MOB3B: variants seen among roughly 807,000 people sequenced by gnomAD.
The protein encoded by MOB3B is MOB kinase activator 3B, also known as MOB kinase activator-like 2B.
MOB3B carries 7 observed loss-of-function variants against 18.7 expected under a neutral mutation model. The ratio of observed to expected loss-of-function variants is 0.37; its 90% CI spans 0.21 to 0.70. The LOEUF (loss-of-function observed/expected upper bound fraction) is 0.70. Ranked by LOEUF, MOB3B falls within the 30% of genes least tolerant of loss-of-function variation. The pLI is 0.52. For missense variants in MOB3B, 253 were observed against 281.3 expected, an observed-to-expected ratio of 0.90 and a Z score of 0.72; for synonymous variants, 111 against 99.9, an observed-to-expected ratio of 1.11 and a Z score of -0.66.
In MOB3B at chr9:27,398,795, G is replaced by A. The variant is rs547566530; in HGVS notation, c.419-39559C>T. On this transcript the variant is annotated intron_variant, in intron 2 of 3. Transcript: ENST00000262244. ...TACTGTGATACCTTTTAAAAGTCACGTATAATCTGAATTTACTAAGAGAGA... is the reference window on the plus strand; with the variant it reads ...TACTGTGATACCTTTTAAAAGTCACATATAATCTGAATTTACTAAGAGAGA... 3.9e-5 allele frequency among the ~76,000 whole-genome samples: 6 copies of A among 152,248 alleles called. No homozygotes were observed. In the South Asian group the frequency reaches 8.3e-4, roughly 21 times the overall value.
Position 27,498,041 on chromosome 9 carries a change from G to A in MOB3B, c.-199+31514C>T, listed in dbSNP as rs187913838. Among the ~76,000 whole-genome samples the A allele has an allele frequency of 6.6e-5, 10 of 152,244 alleles. No homozygotes were observed. The East Asian group carries it at 1.7e-3, about 26-fold the overall frequency. On this transcript the variant is annotated intron_variant, in intron 1 of 3. Coordinates refer to ENST00000262244, the MANE Select transcript of MOB3B (RefSeq NM_024761.5). The stretch of plus-strand genomic sequence containing the variant: ...TCGGATAGCAGGATAATAGAAGAGG[G>A]AAATGCATTCATTTGACAGCTGCCA...
intron 3 of MOB3B, among the ~76,000 whole-genome samples, chr9:27,331,479 T>A (rs10967893): frequency 6.6e-6 from 1 of 152,048 alleles, no homozygotes; most frequent in Non-Finnish European, 1.5e-5. Context: ...TGTGTGTGTG[T>A]GTGTGTACTG....
rs116543034 is a variant in MOB3B at position 27,490,209 on chromosome 9, C to T, written c.-198-34461G>A. 1.8e-3 allele frequency among the ~76,000 whole-genome samples: 267 copies of T among 152,212 alleles called. 2 individuals carry two copies. Among genetic ancestry groups the T allele is most frequent in the African/African-American group, 6.2e-3 (259 of 41,544 alleles). Reference sequence around the variant, plus strand: ...CAGATGGGTGAACTAAGGCTCATGCCTTCAGTGAGCCAACAGGTATAGAGG... The same window carrying T: ...CAGATGGGTGAACTAAGGCTCATGCTTTCAGTGAGCCAACAGGTATAGAGG... On this transcript the variant is annotated intron_variant, in intron 1 of 3. Transcript: ENST00000262244.
At chr9:27,379,633 T>A (rs1226755634) in intron 2 of MOB3B, among the ~76,000 whole-genome samples, 1 of 152,082 alleles carries the variant, frequency 6.6e-6, no homozygotes. Context: ...AGGCACCAAG[T>A]GAGACCTGGT....
chr9:27,466,466 C>T (rs1335210961), intron 1 of MOB3B, among the ~76,000 whole-genome samples: 1 of 152,186 alleles, frequency 6.6e-6, no homozygotes, highest in Non-Finnish European at 1.5e-5. Context: ...CAACCTCTGC[C>T]TGTTACCCAG....
chr9:27,507,825 G>C (rs999071338), intron 1 of MOB3B, among the ~76,000 whole-genome samples: 1 of 152,180 alleles, frequency 6.6e-6, no homozygotes, highest in Admixed American at 6.5e-5. Context: ...ATGTTCTACA[G>C]ACTGTTTAAA....
At chr9:27,433,095 A>G (rs1822440552) in intron 2 of MOB3B, among the ~76,000 whole-genome samples, 1 of 151,724 alleles carries the variant, frequency 6.6e-6, no homozygotes, top group South Asian at 2.1e-4. Context: ...TTCTTTTTGC[A>G]GCATGACTTT....
At chr9:27,529,473 C>T (rs1356138482) in intron 1 of MOB3B, 82 bp downstream of exon 1, 72 of 919,318 alleles carry the variant, frequency 7.8e-5, no homozygotes, top group Non-Finnish European at 9.4e-5. Context: ...CCCCAAACCT[C>T]GCCGCCCGCC....
At chr9:27,501,259 C>G (rs1819987860) in intron 1 of MOB3B, among the ~76,000 whole-genome samples, 1 of 152,008 alleles carries the variant, frequency 6.6e-6, no homozygotes, top group Non-Finnish European at 1.5e-5. Context: ...GGGTGTATAC[C>G]CAAAGGATAA....
chr9:27,445,633 T>A (rs1160247645), intron 2 of MOB3B, among the ~76,000 whole-genome samples: 1 of 152,156 alleles, frequency 6.6e-6, no homozygotes, highest in African/African-American at 2.4e-5. Context: ...CCATAATAGG[T>A]AAGTCCGCAA....
chr9:27,465,149 A>T (rs893596762), intron 1 of MOB3B, among the ~76,000 whole-genome samples: 2 of 152,216 alleles, frequency 1.3e-5, no homozygotes, highest in African/African-American at 2.4e-5. Flanking sequence ...TCCACCTATA[A>T]GCCTGCAAAG....
At chr9:27,399,694 T>C (rs1334160829) in intron 2 of MOB3B, among the ~76,000 whole-genome samples, 1 of 152,164 alleles carries the variant, frequency 6.6e-6, no homozygotes, top group Non-Finnish European at 1.5e-5. Context: ...AACTCCCAAA[T>C]TTGTATATTC....
At chr9:27,520,520 T>C (rs1019880522) in intron 1 of MOB3B, among the ~76,000 whole-genome samples, 1 of 152,210 alleles carries the variant, frequency 6.6e-6, no homozygotes, top group Non-Finnish European at 1.5e-5. Context: ...ATACATTCAA[T>C]ACCTCTGGCT....
chr9:27,478,410 A>C (rs914205014), intron 1 of MOB3B, among the ~76,000 whole-genome samples: 1 of 152,210 alleles, frequency 6.6e-6, no homozygotes, highest in Non-Finnish European at 1.5e-5. Flanking sequence ...TTTTTTTAAC[A>C]TAAAAGAAGG....
intron 1 of MOB3B, among the ~76,000 whole-genome samples, chr9:27,499,787 A>C (rs569000328): frequency 1.4e-4 from 21 of 152,274 alleles, no homozygotes; most frequent in African/African-American, 5.1e-4. Flanking sequence ...AAAACAATGT[A>C]TCTAATACTG....
intron 3 of MOB3B, among the ~76,000 whole-genome samples, chr9:27,352,755 T>G (rs994299877): frequency 4.6e-5 from 7 of 152,164 alleles, no homozygotes; most frequent in Non-Finnish European, 4.4e-5. Context: ...CAGAGTGTGT[T>G]CCATGGATCA....
chr9:27,502,123 T>C (rs1248913472), intron 1 of MOB3B, among the ~76,000 whole-genome samples: 1 of 152,176 alleles, frequency 6.6e-6, no homozygotes, highest in Non-Finnish European at 1.5e-5. Flanking sequence ...TTTCTAGTCA[T>C]GATTTGCTAA....
chr9:27,494,878 C>G (rs1346316967), intron 1 of MOB3B, among the ~76,000 whole-genome samples: 1 of 152,136 alleles, frequency 6.6e-6, no homozygotes, highest in African/African-American at 2.4e-5. Flanking sequence ...GGTCATGTGA[C>G]AAATTTTGGA....
intron 2 of MOB3B, among the ~76,000 whole-genome samples, chr9:27,408,210 A>G (rs1822015697): frequency 6.6e-6 from 1 of 152,178 alleles, no homozygotes; most frequent in Admixed American, 6.5e-5. Flanking sequence ...AATACAATAG[A>G]GGTGACTCAG....
Sources: gnomAD v4.1 joint callset for allele counts (sites outside exome capture counted in the v4.1 genomes callset) on GRCh38, gnomAD v4.1.1 for gene constraint, MANE v1.5 for transcripts, NCBI Gene and HGNC (gene_info 2026-07-23, HGNC 2026-07-21) for gene names.